The following ARHGEF12 variants were observed in gnomAD, a reference collection of about 807,000 sequenced individuals.
ARHGEF12 encodes KMT2A/ARHGEF12 fusion protein.
ARHGEF12 carries 66 observed loss-of-function variants against 211.2 expected under a neutral mutation model. The observed-to-expected ratio is 0.31, with a 90% CI of 0.26 to 0.38. The LOEUF (loss-of-function observed/expected upper bound fraction) is 0.38, where lower values mean the gene tolerates loss of function less well. Among genes scored for constraint, ARHGEF12 ranks in the 10% least tolerant of loss-of-function variants. The pLI, the probability that ARHGEF12 is intolerant of heterozygous loss-of-function variation, is 1.00. For synonymous variants in ARHGEF12, 592 were observed against 638.4 expected, an observed-to-expected ratio of 0.93 and a Z score of 1.09; for missense variants, 1,429 against 1,869.5, an observed-to-expected ratio of 0.76 and a Z score of 4.34.
chr11:120,457,857 C>A, intron 24 of ARHGEF12, 101 bp downstream of exon 24: 3 of 1,303,890 alleles, frequency 2.3e-6, no homozygotes, highest in Non-Finnish European at 3.2e-6. Context: ...CCCTGTATAC[C>A]AATCTGTTAT....
At chr11:120,436,210 C>T (rs367964975) in intron 11 of ARHGEF12, among the ~76,000 whole-genome samples, 16 of 152,170 alleles carry the variant, frequency 1.1e-4, no homozygotes, top group African/African-American at 3.6e-4. Flanking sequence ...TGACATGCCC[C>T]TCCAATATCT....
Position 120,477,116 on chromosome 11 carries a change from T to TG in ARHGEF12, c.3366-102dup, listed in dbSNP as rs1565512803. The TG allele has an allele frequency of 6.1e-5, 45 of 739,308 alleles. No homozygotes were observed. The African/African-American group carries it at 7.5e-4, about 12-fold the overall frequency. The allele number at this position is 739,308 out of a possible 1,614,324, so 45.8% of individuals were successfully genotyped here. ...TTGTTGTTGTTGTTGTTGTTGTTGTTGTTGGTTGATTTGGTTTTTGTTTAG... is the reference window on the plus strand; with the variant it reads ...TTGTTGTTGTTGTTGTTGTTGTTGTTGGTTGGTTGATTTGGTTTTTGTTTAG... On this transcript the variant is annotated intron_variant, in intron 34 of 40. Coordinates refer to ENST00000397843, the MANE Select transcript of ARHGEF12 (RefSeq NM_015313.3).
At chr11:120,396,841 C>G (rs1565451469) in intron 1 of ARHGEF12, among the ~76,000 whole-genome samples, 1 of 152,138 alleles carries the variant, frequency 6.6e-6, no homozygotes, top group Non-Finnish European at 1.5e-5. Context: ...GAAGTTAAGA[C>G]TTCAGCATGT....
chr11:120,398,311 T>A (rs541832005), intron 1 of ARHGEF12, among the ~76,000 whole-genome samples: 1 of 152,314 alleles, frequency 6.6e-6, no homozygotes, highest in Non-Finnish European at 1.5e-5. Context: ...TTCTGAGATG[T>A]TGTAAGAGGA....
chr11:120,428,951 A>G (rs1044257024), intron 8 of ARHGEF12, among the ~76,000 whole-genome samples: 9 of 152,198 alleles, frequency 5.9e-5, no homozygotes, highest in Middle Eastern at 3.2e-3. Context: ...AATCCATTCA[A>G]TGTTGTTTCT....
intron 3 of ARHGEF12, 75 bp from the exon 4 acceptor site, chr11:120,409,319 T>A: frequency 7.0e-7 from 1 of 1,435,536 alleles, no homozygotes; most frequent in East Asian, 2.3e-5. Context: ...TCATTCTTTT[T>A]TCCCCATGAA....
intron 1 of ARHGEF12, chr11:120,385,485 A>G: frequency 1.0e-6 from 1 of 985,430 alleles, no homozygotes; most frequent in Non-Finnish European, 1.2e-6. Context: ...CCGGTGATCC[A>G]GGTAATCTAC....
chr11:120,362,963 G>A (rs1943318711), intron 1 of ARHGEF12, among the ~76,000 whole-genome samples: 1 of 152,174 alleles, frequency 6.6e-6, no homozygotes. Flanking sequence ...AGCCGGGCGT[G>A]GTGGCAGGCG....
rs530909770 is a variant in ARHGEF12 at position 120,419,417 on chromosome 11, T to C, written c.200-1336T>C. Among the ~76,000 whole-genome samples, 26 of 151,744 alleles carry C rather than the reference T, an allele frequency of 1.7e-4. No homozygotes were observed. The South Asian group carries it at 4.8e-3, about 28-fold the overall frequency. ...TATCTGTTTTCTTTTTCTTTCTTTC[T>C]TCCTTTTTTGTTTTTTTAATACCCT... On this transcript the variant is annotated intron_variant, in intron 4 of 40. Transcript: ENST00000397843.
intron 7 of ARHGEF12, among the ~76,000 whole-genome samples, chr11:120,426,736 A>G (rs936286980): frequency 1.3e-5 from 2 of 152,236 alleles, no homozygotes; most frequent in Non-Finnish European, 2.9e-5. Context: ...ACACTGTGAA[A>G]TAATTGATAA....
At chr11:120,430,168 G>C (rs1337558526) in intron 10 of ARHGEF12, among the ~76,000 whole-genome samples, 1 of 151,628 alleles carries the variant, frequency 6.6e-6, no homozygotes, top group Non-Finnish European at 1.5e-5. Context: ...AAACAGAATG[G>C]CAGTTGATAT....
chr11:120,474,241 A>G, intron 31 of ARHGEF12, among the ~76,000 whole-genome samples: 1 of 152,212 alleles, frequency 6.6e-6, no homozygotes, highest in African/African-American at 2.4e-5. Flanking sequence ...AAATTAAAGG[A>G]TACGTTGAGA....
intron 1 of ARHGEF12, among the ~76,000 whole-genome samples, chr11:120,346,421 A>G (rs149967673): frequency 5.4e-4 from 83 of 152,358 alleles, no homozygotes; most frequent in African/African-American, 1.9e-3. Context: ...ATGCAGACAT[A>G]CAATGGCTCT....
In ARHGEF12 at chr11:120,488,203, G is replaced by T; in HGVS notation, c.*3126G>T. ...TACTGGCATCTTTGTTTTCCTCTTT[G>T]ATGTTAGTAAATTTGGTGTAATACG... On this transcript the variant is annotated 3_prime_UTR_variant, in exon 41 of 41. Coordinates refer to ENST00000397843, the MANE Select transcript of ARHGEF12 (RefSeq NM_015313.3). 1 of 215,296 alleles carries T rather than the reference G, an allele frequency of 4.6e-6. No individual in the cohort carries two copies. The allele number at this position is 215,296 out of a possible 1,614,324, so 13.3% of individuals were successfully genotyped here. A position where few individuals can be genotyped will look rare whatever the true frequency, so the allele number is the denominator to read the frequency against.
intron 21 of ARHGEF12, chr11:120,450,348 G>T (rs1213666789): frequency 7.3e-6 from 1 of 136,338 alleles, no homozygotes; most frequent in Non-Finnish European, 1.5e-5. Flanking sequence ...TCCAGCCTGG[G>T]TGACAGAGTG....
At chr11:120,367,095 C>T (rs947060782) in intron 1 of ARHGEF12, among the ~76,000 whole-genome samples, 1 of 151,974 alleles carries the variant, frequency 6.6e-6, no homozygotes, top group Non-Finnish European at 1.5e-5. Context: ...TAGTTGCTGT[C>T]CAACAGTCTT....
chr11:120,352,626 C>T (rs924336237), intron 1 of ARHGEF12, among the ~76,000 whole-genome samples: 2 of 151,878 alleles, frequency 1.3e-5, no homozygotes, highest in African/African-American at 2.4e-5. Flanking sequence ...TTCTTTTCGC[C>T]GTGTGGGTGG....
chr11:120,342,433 C>G (rs939171906), intron 1 of ARHGEF12, among the ~76,000 whole-genome samples: 4 of 152,106 alleles, frequency 2.6e-5, no homozygotes, highest in African/African-American at 7.2e-5. Context: ...TGCTCTCCTC[C>G]CATTTTATGT....
rs373475071 is a variant in ARHGEF12, at chr11:120,448,253, A to T, written c.1642A>T (p.Ile548Phe). The change falls in exon 20 of 41, where the codon ATT becomes TTT. Residue 548 changes from isoleucine to phenylalanine, a missense_variant. By Grantham distance (21) the Ile-to-Phe change is conservative. Around this residue, in one of 7 missense-constraint regions of ARHGEF12, gnomAD observed 373 missense variants for 467.5 expected, o/e 0.80. Coordinates refer to ENST00000397843, the MANE Select transcript of ARHGEF12 (RefSeq NM_015313.3). ...EDKSSTMQYVILMYMKHLGVK... is the reference protein window; with the variant it reads ...EDKSSTMQYVFLMYMKHLGVK... ...CTCCAGCTCCACCATGCAGTATGTT[A>T]TTCTCATGTATATGAAGCATTTGGG... The T allele has an allele frequency of 6.2e-7, 1 of 1,613,702 alleles. No homozygotes were observed. Among genetic ancestry groups the T allele is most frequent in the Non-Finnish European group, 8.5e-7 (1 of 1,179,748 alleles).
Sources: allele counts gnomAD v4.1 joint callset (sites outside exome capture counted in the v4.1 genomes callset), GRCh38; gene constraint gnomAD v4.1.1; regional missense constraint gnomAD v4.1.1; transcripts MANE v1.5; gene names NCBI Gene and HGNC (gene_info 2026-07-23, HGNC 2026-07-21).